The following WDPCP variants were observed in gnomAD, a reference collection of about 807,000 sequenced individuals.
WDPCP encodes the protein WD repeat containing planar cell polarity effector, also known as WD repeat-containing and planar cell polarity effector protein fritz homolog.
In WDPCP, 71 loss-of-function variants were observed where a neutral mutation model predicts 93.1. The observed-to-expected ratio is 0.76, with a 90% CI of 0.63 to 0.93. The LOEUF is 0.93. WDPCP is among the 40% of genes least tolerant of loss of function. The probability of loss-of-function intolerance (pLI) is 0.00; values close to 1 mark genes in which losing one functional copy is unlikely to be tolerated. For synonymous variants in WDPCP, 315 were observed against 315.0 expected (o/e 1.00, Z 0.00); for missense variants, 844 against 887.4 (o/e 0.95, Z 0.62).
intron 6 of WDPCP, among the ~76,000 whole-genome samples, chr2:63,467,231 G>A (rs1057416466): frequency 2.0e-5 from 3 of 152,198 alleles, no homozygotes; most frequent in African/African-American, 7.2e-5. Context: ...TGTAATCCCA[G>A]CACTTTGGGA....
chr2:63,740,986 T>C (rs1436770619), intron 2 of WDPCP, among the ~76,000 whole-genome samples: 1 of 152,150 alleles, frequency 6.6e-6, no homozygotes, highest in Non-Finnish European at 1.5e-5. Context: ...GTCCTGATGA[T>C]TTTGGTATTA....
At chr2:63,540,373 A>G (rs1704614950) in intron 1 of WDPCP, among the ~76,000 whole-genome samples, 1 of 152,180 alleles carries the variant, frequency 6.6e-6, no homozygotes, top group Non-Finnish European at 1.5e-5. Flanking sequence ...CAGAGTAGAT[A>G]ATTATGTACA....
intron 3 of WDPCP, among the ~76,000 whole-genome samples, chr2:63,623,547 G>A (rs1322212502): frequency 1.3e-5 from 2 of 151,434 alleles, no homozygotes; most frequent in African/African-American, 4.8e-5. Flanking sequence ...CCTAGTCTCT[G>A]TAAAACAGAC....
intron 1 of WDPCP, among the ~76,000 whole-genome samples, chr2:63,502,027 T>C (rs569364417): frequency 1.4e-4 from 22 of 152,350 alleles, no homozygotes; most frequent in African/African-American, 4.8e-4. Context: ...TGTGTTCTCC[T>C]CCAAGCTGCC....
chr2:63,294,648 C>A (rs1684710376), intron 13 of WDPCP, among the ~76,000 whole-genome samples: 1 of 151,600 alleles, frequency 6.6e-6, no homozygotes, highest in African/African-American at 2.4e-5. Flanking sequence ...AGTTCATTAC[C>A]ACTAGACCTT....
chr2:63,446,227 C>G (rs187183253), intron 6 of WDPCP, among the ~76,000 whole-genome samples: 3 of 152,158 alleles, frequency 2.0e-5, no homozygotes, highest in African/African-American at 7.2e-5. Flanking sequence ...TGTTAGCAAC[C>G]GGGCCACACA....
chr2:63,699,965 C>A (rs183220251), intron 2 of WDPCP, among the ~76,000 whole-genome samples: 1 of 152,106 alleles, frequency 6.6e-6, no homozygotes, highest in African/African-American at 2.4e-5. Flanking sequence ...ATGAAGATTG[C>A]TCATTGCTGT....
At chr2:63,771,091 T>C (rs565225708) in intron 2 of WDPCP, among the ~76,000 whole-genome samples, 116 of 151,696 alleles carry the variant, frequency 7.6e-4, no homozygotes, top group Non-Finnish European at 1.5e-3. Context: ...GGGTCCTCAA[T>C]AATTTTTAAA....
chr2:63,381,868 A>C (rs779039231), intron 11 of WDPCP, 38 bp downstream of exon 11: 1 of 1,605,384 alleles, frequency 6.2e-7, no homozygotes, highest in East Asian at 2.2e-5. Context: ...TTTCATGTAT[A>C]TACAAAACTC....
chr2:63,670,322 T>TA (rs1180646145), intron 2 of WDPCP, among the ~76,000 whole-genome samples: 1 of 152,168 alleles, frequency 6.6e-6, no homozygotes, highest in Non-Finnish European at 1.5e-5. Flanking sequence ...TGGCTCTGGC[T>TA]ACAGAGCCCC....
intron 3 of WDPCP, among the ~76,000 whole-genome samples, chr2:63,632,488 T>C (rs1040911796): frequency 6.6e-6 from 1 of 151,916 alleles, no homozygotes; most frequent in African/African-American, 2.4e-5. Context: ...AGGAAAACAA[T>C]ATACGAGCAA....
At chr2:63,802,702 G>A (rs1005429671) in intron 2 of WDPCP, among the ~76,000 whole-genome samples, 1 of 151,916 alleles carries the variant, frequency 6.6e-6, no homozygotes, top group Non-Finnish European at 1.5e-5. Flanking sequence ...TTAGGAAATT[G>A]TCTATATTAT....
chr2:63,336,213 C>G (rs1222822816), intron 12 of WDPCP, among the ~76,000 whole-genome samples: 3 of 152,156 alleles, frequency 2.0e-5, no homozygotes, highest in Non-Finnish European at 4.4e-5. Context: ...TCCAAGAACC[C>G]TCTCTTGGGG....
chr2:63,229,751 C>A (rs1256755382), intron 14 of WDPCP: 1 of 151,604 alleles, frequency 6.6e-6, no homozygotes, highest in Middle Eastern at 3.3e-3. Flanking sequence ...TGTAGATATG[C>A]GGCATTATTT....
chr2:63,240,570 T>C (rs1679786749), intron 14 of WDPCP, among the ~76,000 whole-genome samples: 1 of 152,190 alleles, frequency 6.6e-6, no homozygotes, highest in Non-Finnish European at 1.5e-5. Flanking sequence ...ATATTTTTGT[T>C]ATACTCCACA....
intron 1 of WDPCP, among the ~76,000 whole-genome samples, chr2:63,578,440 G>A (rs1009157496): frequency 6.6e-6 from 1 of 152,100 alleles, no homozygotes; most frequent in Non-Finnish European, 1.5e-5. Flanking sequence ...TATGAAAACT[G>A]CACTTTCCAC....
chr2:63,249,726 T>G (rs1302685405), intron 14 of WDPCP, among the ~76,000 whole-genome samples: 1 of 152,114 alleles, frequency 6.6e-6, no homozygotes, highest in Non-Finnish European at 1.5e-5. Flanking sequence ...GGGAGAGGAA[T>G]TTTCCAGGTA....
intron 2 of WDPCP, among the ~76,000 whole-genome samples, chr2:63,672,918 C>CT (rs925811993): frequency 1.6e-4 from 24 of 151,734 alleles, no homozygotes; most frequent in Admixed American, 1.4e-3. Flanking sequence ...TAATTTAAAA[C>CT]TTTTTTTGTA....
intron 12 of WDPCP, among the ~76,000 whole-genome samples, chr2:63,363,288 T>C (rs1690629101): frequency 6.6e-6 from 1 of 152,152 alleles, no homozygotes; most frequent in African/African-American, 2.4e-5. Flanking sequence ...GTTTATGTTA[T>C]ACGTCCTATT....
Sources: gnomAD v4.1 joint callset for allele counts (sites outside exome capture counted in the v4.1 genomes callset) on GRCh38, gnomAD v4.1.1 for gene constraint, MANE v1.5 for transcripts, NCBI Gene and HGNC (gene_info 2026-07-23, HGNC 2026-07-21) for gene names.